ASCC1: variants seen among roughly 807,000 people sequenced by gnomAD.
ASCC1 encodes the protein activating signal cointegrator 1 complex subunit 1, also known as ASC-1 complex subunit P50.
In ASCC1, 35 loss-of-function variants were observed where a neutral mutation model predicts 46.6. The observed-to-expected ratio is 0.75, with a 90% CI of 0.57 to 0.99. The LOEUF is 0.99. ASCC1 is among the 50% of genes least tolerant of loss of function. ASCC1 has a pLI of 0.00. For synonymous variants in ASCC1, 143 were observed against 146.6 expected (o/e 0.98, Z 0.18); for missense variants, 376 against 428.7 (o/e 0.88, Z 1.09).
chr10:72,197,191 G>A (rs1326116890), intron 4 of ASCC1, among the ~76,000 whole-genome samples: 2 of 152,016 alleles, frequency 1.3e-5, no homozygotes, highest in Non-Finnish European at 2.9e-5. Context: ...AATATCCTTG[G>A]CCGGGCACGG....
At chr10:72,123,144 T>C (rs1589241002) in intron 9 of ASCC1, among the ~76,000 whole-genome samples, 1 of 152,182 alleles carries the variant, frequency 6.6e-6, no homozygotes, top group East Asian at 1.9e-4. Flanking sequence ...GAGACCATCC[T>C]GGCCAACATG....
chr10:72,166,701 G>A (rs1011045791), intron 5 of ASCC1, among the ~76,000 whole-genome samples: 3 of 151,540 alleles, frequency 2.0e-5, no homozygotes, highest in Admixed American at 2.0e-4. Flanking sequence ...TCCTACATCT[G>A]ATAAATATAA....
intron 3 of ASCC1, among the ~76,000 whole-genome samples, chr10:72,206,341 T>C (rs1029388994): frequency 6.6e-6 from 1 of 151,700 alleles, no homozygotes; most frequent in Admixed American, 6.6e-5. Context: ...GAGGCAGAGG[T>C]TGTGGTGAGC....
At chr10:72,204,168 G>A (rs1856880152) in intron 3 of ASCC1, among the ~76,000 whole-genome samples, 1 of 152,180 alleles carries the variant, frequency 6.6e-6, no homozygotes, top group African/African-American at 2.4e-5. Flanking sequence ...AGAATCACTT[G>A]AACCCGGGAG....
rs371410859 is a variant in ASCC1, at chr10:72,153,548, A to C, written c.627-560T>G. On this transcript the variant is annotated intron_variant, in intron 6 of 9. Transcript: ENST00000672957. ...TCACACCATTCTCCTGCCTCAGCCT[A>C]CCGAGTAGCTGGGACTACAGGCGCC... 9.8e-3 allele frequency among the ~76,000 whole-genome samples: 1,472 copies of C among 150,134 alleles called. 20 individuals are homozygous for C. Among genetic ancestry groups the C allele is most frequent in the African/African-American group, 0.034 (1,398 of 40,830 alleles).
Position 72,122,608 on chromosome 10 carries a change from C to CA in ASCC1, c.957+5473dup, listed in dbSNP as rs540041791. 4.9e-4 allele frequency among the ~76,000 whole-genome samples: 75 copies of CA among 151,802 alleles called. No homozygotes were observed. In the Middle Eastern group the frequency reaches 0.01, roughly 21 times the overall value. On this transcript the variant is annotated intron_variant, in intron 9 of 9. Transcript: ENST00000672957. ...ATAACAAAGTGAAACCCCATCTTTA[C>CA]AAAACAATTTAAAATAAAAATTAGC...
chr10:72,139,365 T>C (rs1243157702), intron 7 of ASCC1, among the ~76,000 whole-genome samples: 2 of 152,114 alleles, frequency 1.3e-5, no homozygotes, highest in African/African-American at 2.4e-5. Context: ...CCACCCAACC[T>C]TGGCCTCCCA....
At chr10:72,106,658 A>T (rs1433521862) in intron 9 of ASCC1, among the ~76,000 whole-genome samples, 1 of 152,256 alleles carries the variant, frequency 6.6e-6, no homozygotes, top group Non-Finnish European at 1.5e-5. Context: ...CACTCCCAGT[A>T]TGAAGCCTTG....
intron 5 of ASCC1, chr10:72,190,151 C>T: frequency 5.2e-6 from 4 of 762,360 alleles, no homozygotes; most frequent in South Asian, 1.3e-5. Flanking sequence ...CTGTGGTGGC[C>T]GAAAACACCC....
chr10:72,104,273 A>G (rs1842110900), intron 9 of ASCC1, among the ~76,000 whole-genome samples: 2 of 152,064 alleles, frequency 1.3e-5, no homozygotes, highest in Admixed American at 6.5e-5. Flanking sequence ...TGAAATGAAC[A>G]TGTTCTTTCA....
intron 7 of ASCC1, among the ~76,000 whole-genome samples, chr10:72,136,389 G>A (rs985468679): frequency 2.6e-5 from 4 of 151,308 alleles, no homozygotes; most frequent in Admixed American, 1.3e-4. Flanking sequence ...GATTGTAAAC[G>A]CACCAATCAG....
At chr10:72,189,215 A>G (rs1168448761) in intron 5 of ASCC1, among the ~76,000 whole-genome samples, 1 of 150,926 alleles carries the variant, frequency 6.6e-6, no homozygotes, top group Non-Finnish European at 1.5e-5. Flanking sequence ...TCTGGCTAAC[A>G]CGGTGAAACC....
At chr10:72,101,260 T>C (rs1841725127) in intron 9 of ASCC1, among the ~76,000 whole-genome samples, 1 of 152,198 alleles carries the variant, frequency 6.6e-6, no homozygotes, top group Non-Finnish European at 1.5e-5. Context: ...CTCTGTGATC[T>C]GTGTAGCTTT....
At chr10:72,136,582 G>T (rs1005332866) in intron 7 of ASCC1, among the ~76,000 whole-genome samples, 6 of 152,176 alleles carry the variant, frequency 3.9e-5, no homozygotes, top group African/African-American at 1.4e-4. Context: ...GGGGGATGTG[G>T]GCGGGGCCAA....
intron 7 of ASCC1, among the ~76,000 whole-genome samples, chr10:72,138,477 T>C (rs761536325): frequency 3.9e-5 from 6 of 152,186 alleles, no homozygotes; most frequent in Non-Finnish European, 7.3e-5. Flanking sequence ...AGTTCTAGTG[T>C]AACCTGCTCT....
At chr10:72,114,031 T>C (rs1843214123) in intron 9 of ASCC1, among the ~76,000 whole-genome samples, 1 of 152,238 alleles carries the variant, frequency 6.6e-6, no homozygotes, top group Non-Finnish European at 1.5e-5. Context: ...TTTTTATTAA[T>C]ACCTTCTGTA....
intron 7 of ASCC1, among the ~76,000 whole-genome samples, chr10:72,141,110 G>A (rs1279983837): frequency 6.6e-6 from 1 of 151,582 alleles, no homozygotes; most frequent in Non-Finnish European, 1.5e-5. Flanking sequence ...TAGAGATATA[G>A]ATATACAGAT....
intron 9 of ASCC1, among the ~76,000 whole-genome samples, chr10:72,109,918 G>C (rs113503485): frequency 2.4e-4 from 37 of 152,312 alleles, no homozygotes; most frequent in African/African-American, 8.4e-4. Flanking sequence ...TCCACATTAC[G>C]TCACAGAATT....
intron 5 of ASCC1, chr10:72,180,935 G>C (rs1174302369): frequency 5.2e-6 from 1 of 193,778 alleles, no homozygotes; most frequent in Non-Finnish European, 1.1e-5. Context: ...ATGGGCTACG[G>C]GAGATGATTG....
Sources: allele counts gnomAD v4.1 joint callset (sites outside exome capture counted in the v4.1 genomes callset), GRCh38; gene constraint gnomAD v4.1.1; transcripts MANE v1.5; gene names NCBI Gene and HGNC (gene_info 2026-07-23, HGNC 2026-07-21).